Variants in PIP5K1B observed in about 807,000 individuals in gnomAD.
PIP5K1B encodes the protein phosphatidylinositol 4-phosphate 5-kinase type-1 beta.
A neutral mutation model predicts 67.0 loss-of-function variants in PIP5K1B; 42 were observed. The observed-to-expected ratio is 0.63, with a 90% CI of 0.49 to 0.81. PIP5K1B has a LOEUF of 0.81. PIP5K1B is among the 30% of genes least tolerant of loss of function. The pLI, the probability that PIP5K1B is intolerant of heterozygous loss-of-function variation, is 0.00. For synonymous variants in PIP5K1B, 214 were observed against 231.4 expected (o/e 0.92, Z 0.68); for missense variants, 459 against 646.3 (o/e 0.71, Z 3.14).
chr9:68,916,124 A>T (rs567525387), intron 8 of PIP5K1B, among the ~76,000 whole-genome samples: 2 of 152,340 alleles, frequency 1.3e-5, no homozygotes, highest in Admixed American at 1.3e-4. Context: ...AAGTATAGGA[A>T]CAGCTTCTCA....
intron 1 of PIP5K1B, among the ~76,000 whole-genome samples, chr9:68,739,384 T>C (rs1828893342): frequency 1.3e-5 from 2 of 152,212 alleles, no homozygotes; most frequent in Non-Finnish European, 2.9e-5. Flanking sequence ...GATTAACCTC[T>C]CAGAGTTGGA....
intron 2 of PIP5K1B, among the ~76,000 whole-genome samples, chr9:68,773,842 T>G (rs1830780883): frequency 6.6e-6 from 1 of 152,168 alleles, no homozygotes; most frequent in South Asian, 2.1e-4. Context: ...CAATGATTAT[T>G]TGCAAATTGA....
intron 8 of PIP5K1B, 133 bp from the exon 9 acceptor site, chr9:68,917,415 T>G: frequency 1.4e-6 from 1 of 703,180 alleles, no homozygotes; most frequent in Non-Finnish European, 2.5e-6. Flanking sequence ...TTTTGATTCT[T>G]CATCTCTCAG....
intron 4 of PIP5K1B, among the ~76,000 whole-genome samples, chr9:68,838,501 G>A (rs745819566): frequency 1.3e-5 from 2 of 152,168 alleles, no homozygotes; most frequent in Non-Finnish European, 2.9e-5. Context: ...GCTTCCATTA[G>A]TATACTGTTG....
At chr9:68,946,453 C>T (rs112360183) in intron 14 of PIP5K1B, among the ~76,000 whole-genome samples, 8,056 of 151,842 alleles carry the variant, frequency 0.053, 257 homozygotes, top group African/African-American at 0.09. Flanking sequence ...AGTACAGTGG[C>T]GTGATCTCAG....
At chr9:68,914,098 TAAC>T (rs1433020966) in intron 8 of PIP5K1B, among the ~76,000 whole-genome samples, 9 of 152,302 alleles carry the variant, frequency 5.9e-5, no homozygotes, top group African/African-American at 1.9e-4. Flanking sequence ...AAAATCTTCT[TAAC>T]AATTAATTCA....
intron 14 of PIP5K1B, among the ~76,000 whole-genome samples, chr9:68,958,976 T>A (rs547690513): frequency 1.8e-3 from 273 of 152,326 alleles, no homozygotes; most frequent in African/African-American, 6.2e-3. Context: ...AGTTGGTTCA[T>A]AGTACTCCCA....
chr9:68,955,367 G>A (rs1828331958), intron 14 of PIP5K1B, among the ~76,000 whole-genome samples: 1 of 152,208 alleles, frequency 6.6e-6, no homozygotes, highest in South Asian at 2.1e-4. Flanking sequence ...CTTTTCAAGT[G>A]CAAACAGATG....
intron 13 of PIP5K1B, 76 bp from the exon 14 acceptor site, chr9:68,940,570 C>A: frequency 7.4e-7 from 1 of 1,343,102 alleles, no homozygotes; most frequent in Non-Finnish European, 1.0e-6. Context: ...GCTTTTGACT[C>A]ATTTCAATTA....
chr9:68,989,627 A>G (rs1423638401), intron 14 of PIP5K1B, among the ~76,000 whole-genome samples: 1 of 152,076 alleles, frequency 6.6e-6, no homozygotes, highest in Non-Finnish European at 1.5e-5. Context: ...TTTGATTTTA[A>G]TGGGGAAAAA....
At chr9:68,716,624 C>T (rs1158048979) in intron 1 of PIP5K1B, among the ~76,000 whole-genome samples, 1 of 152,100 alleles carries the variant, frequency 6.6e-6, no homozygotes, top group African/African-American at 2.4e-5. Context: ...CGCTTATGCA[C>T]GATTGCTTGG....
intron 5 of PIP5K1B, among the ~76,000 whole-genome samples, chr9:68,867,062 T>C (rs532499983): frequency 6.6e-6 from 1 of 152,312 alleles, no homozygotes; most frequent in Non-Finnish European, 1.5e-5. Context: ...TCCATACTAC[T>C]TATAGTGTAC....
At chr9:68,888,518 C>G (rs1346043571) in intron 6 of PIP5K1B, among the ~76,000 whole-genome samples, 4 of 152,202 alleles carry the variant, frequency 2.6e-5, no homozygotes, top group Non-Finnish European at 4.4e-5. Flanking sequence ...GCTAGAGATA[C>G]AGATGTTGAA....
chr9:68,766,999 C>G (rs1299370079), intron 2 of PIP5K1B, among the ~76,000 whole-genome samples: 1 of 152,144 alleles, frequency 6.6e-6, no homozygotes, highest in Non-Finnish European at 1.5e-5. Context: ...GTAAATTCTT[C>G]AAATAGTCAG....
intron 7 of PIP5K1B, among the ~76,000 whole-genome samples, chr9:68,892,708 A>T (rs765849902): frequency 1.3e-5 from 2 of 152,362 alleles, no homozygotes; most frequent in East Asian, 3.9e-4. Flanking sequence ...TTTGTTAAAC[A>T]AAAAGCAAAA....
chr9:68,995,235 A>AAGAGAGAAAG lies in PIP5K1B; in HGVS notation c.1620+3980_1620+3989dup, dbSNP rs57209638. 3.3e-3 allele frequency among the ~76,000 whole-genome samples: 491 copies of AAGAGAGAAAG among 150,792 alleles called. 2 individuals carry two copies. The highest frequency in any genetic ancestry group is 0.011 in the African/African-American group (461 of 40,740). Reference sequence around the variant, plus strand: ...GGGAAGGGAGGGGAGGGGAGAAAGAAAGAGAGAAAGAAAGAGAAAAGGAAG... The same window carrying AAGAGAGAAAG: ...GGGAAGGGAGGGGAGGGGAGAAAGAAAGAGAGAAAGAGAGAGAAAGAAAGAGAAAAGGAAG... On this transcript the variant is annotated intron_variant, in intron 15 of 15. Transcript: ENST00000265382.
intron 1 of PIP5K1B, 156 bp from the exon 2 acceptor site, chr9:68,742,345 A>G (rs971894437): frequency 1.3e-5 from 2 of 152,238 alleles, no homozygotes; most frequent in Admixed American, 6.5e-5. Flanking sequence ...CTTTAAATAT[A>G]CAGATAGGGG....
intron 14 of PIP5K1B, among the ~76,000 whole-genome samples, chr9:68,980,188 A>G (rs534939080): frequency 6.6e-6 from 1 of 152,228 alleles, no homozygotes; most frequent in African/African-American, 2.4e-5. Flanking sequence ...TAGTATCCTC[A>G]CCCACTCCCT....
chr9:68,959,595 C>G lies in PIP5K1B; in HGVS notation c.1502+18805C>G, dbSNP rs115147361. 6.4e-3 allele frequency among the ~76,000 whole-genome samples: 981 copies of G among 152,224 alleles called. 14 individuals carry two copies. The highest frequency in any genetic ancestry group is 0.023 in the African/African-American group (941 of 41,522). On this transcript the variant is annotated intron_variant, in intron 14 of 15. Transcript: ENST00000265382. ...AGGATGATATAGCTCCCTTTTATCACCCCACCTTCACAGTAACCCTTCTCA... is the reference window on the plus strand; with the variant it reads ...AGGATGATATAGCTCCCTTTTATCAGCCCACCTTCACAGTAACCCTTCTCA...
Sources: allele counts gnomAD v4.1 joint callset (sites outside exome capture counted in the v4.1 genomes callset), GRCh38; gene constraint gnomAD v4.1.1; transcripts MANE v1.5; gene names NCBI Gene and HGNC (gene_info 2026-07-23, HGNC 2026-07-21).